THRAP3: variants seen among roughly 807,000 people sequenced by gnomAD.
The protein encoded by THRAP3 is thyroid hormone receptor-associated protein 3.
THRAP3 carries 16 observed loss-of-function variants against 101.0 expected under a neutral mutation model. The ratio of observed to expected loss-of-function variants is 0.16; its 90% CI spans 0.11 to 0.24. THRAP3 has a LOEUF of 0.24. Ranked by LOEUF, THRAP3 falls within the 10% of genes least tolerant of loss-of-function variation. The pLI is 1.00. For missense variants in THRAP3, 989 were observed against 1,202.7 expected (o/e 0.82, Z 2.63); for synonymous variants, 407 against 422.6 (o/e 0.96, Z 0.45).
Position 36,294,304 on chromosome 1 carries a change from G to T in THRAP3, c.2115+369G>T, listed in dbSNP as rs977039474. On this transcript the variant is annotated intron_variant, in intron 8 of 11. Transcript: ENST00000354618. The stretch of plus-strand genomic sequence containing the variant: ...TCCAACCATGATTTCAGAAAGACAT[G>T]CATGTCAGAGAAGAGTGAAATATTC... 13 of 863,200 alleles carry T rather than the reference G, an allele frequency of 1.5e-5. No individual in the cohort carries two copies. In the Admixed American group the frequency reaches 7.1e-4, roughly 47 times the overall value. The allele number at this position is 863,200 out of a possible 1,614,324, so 53.5% of individuals were successfully genotyped here. A position where few individuals can be genotyped will look rare whatever the true frequency, so the allele number is the denominator to read the frequency against.
chr1:36,287,474 C>T, intron 4 of THRAP3: 2 of 985,394 alleles, frequency 2.0e-6, no homozygotes, highest in Non-Finnish European at 2.4e-6. Context: ...ATTTGTATTG[C>T]AGCATAAACT....
intron 2 of THRAP3, among the ~76,000 whole-genome samples, chr1:36,265,083 G>A (rs1364875819): frequency 2.6e-5 from 4 of 152,122 alleles, no homozygotes; most frequent in African/African-American, 9.7e-5. Context: ...TGAGGTACTA[G>A]GGGTTAGGAC....
At chr1:36,288,967 T>C (rs1645830177) in intron 4 of THRAP3, 93 bp from the exon 5 acceptor site, 2 of 1,392,514 alleles carry the variant, frequency 1.4e-6, no homozygotes, top group Non-Finnish European at 9.3e-7. Flanking sequence ...CATGTTTTTT[T>C]CAGAGAATCA....
At chr1:36,264,258 CT>C (rs1645484846) in intron 2 of THRAP3, among the ~76,000 whole-genome samples, 2 of 152,212 alleles carry the variant, frequency 1.3e-5, no homozygotes, top group Non-Finnish European at 1.5e-5. Flanking sequence ...AAATCTCTCC[CT>C]CCAACCACTC....
In THRAP3 at chr1:36,291,449, T is replaced by C; in HGVS notation, c.1821T>C (p.Phe607=). ...ATAGCAACAAAAAGGAACAGGAGTT[T>C]CGTTCCATTTTCCAGCACATACAAT... ...LVHSNKKEQE[F]RSIFQHIQSA... is the part of the protein sequence containing the mutation. Residue 607 remains phenylalanine, a synonymous_variant, in exon 6 of 12, where the codon TTT becomes TTC. Transcript: ENST00000354618. 5.0e-6 allele frequency: 8 copies of C among 1,614,228 alleles called. No homozygotes were observed. The highest frequency in any genetic ancestry group is 6.8e-6 in the Non-Finnish European group (8 of 1,180,042).
Position 36,287,048 on chromosome 1 carries a change from C to G in THRAP3, c.818C>G (p.Pro273Arg). ...RSPRPSPVPK[P>R]SPPLSSTSQM... is the part of the protein sequence containing the mutation. Reference sequence around the variant, plus strand: ...CCCCGTCCTAGCCCCGTGCCAAAACCTAGTCCTCCACTTTCCAGCACATCC... The same window carrying G: ...CCCCGTCCTAGCCCCGTGCCAAAACGTAGTCCTCCACTTTCCAGCACATCC... The change falls in exon 4 of 12, where the codon CCT becomes CGT. Residue 273 changes from proline (P) to arginine (R), a missense_variant. Transcript: ENST00000354618. 1.2e-6 allele frequency: 2 copies of G among 1,613,690 alleles called. No individual in the cohort carries two copies. Among genetic ancestry groups the G allele is most frequent in the Non-Finnish European group, 8.5e-7 (1 of 1,179,694 alleles).
chr1:36,278,254 C>T (rs1263900989), intron 2 of THRAP3, among the ~76,000 whole-genome samples: 2 of 151,648 alleles, frequency 1.3e-5, no homozygotes, highest in East Asian at 3.9e-4. Flanking sequence ...TTAGTAGAGA[C>T]GGGGTTTTGC....
At chr1:36,256,405 T>C (rs1165256584) in intron 1 of THRAP3, among the ~76,000 whole-genome samples, 1 of 151,774 alleles carries the variant, frequency 6.6e-6, no homozygotes, top group African/African-American at 2.4e-5. Flanking sequence ...TTTTGTATTT[T>C]TAGTAGAGAC....
chr1:36,208,396 T>C, the THRAP3 span, among the ~76,000 whole-genome samples: 1 of 152,096 alleles, frequency 6.6e-6, no homozygotes, highest in South Asian at 2.1e-4. Flanking sequence ...TGAAGTCAGA[T>C]CTGGCATCAA....
rs556429465 is a variant in THRAP3, at chr1:36,286,964, G to A, written c.734G>A (p.Arg245Gln). The A allele has an allele frequency of 2.4e-5, 38 of 1,614,220 alleles. No individual in the cohort carries two copies. The Middle Eastern group carries it at 4.9e-4, about 21-fold the overall frequency. Reference protein sequence around the residue: ...RASAVSELSPRERSPALKSPL... With the variant: ...RASAVSELSPQERSPALKSPL... Reference sequence around the variant, plus strand: ...TCAGCAGTTTCTGAGCTGAGTCCTCGGGAGCGAAGCCCAGCTCTCAAAAGC... The same window carrying A: ...TCAGCAGTTTCTGAGCTGAGTCCTCAGGAGCGAAGCCCAGCTCTCAAAAGC... The change falls in exon 4 of 12, where the codon CGG (arginine) becomes CAG (glutamine). Residue 245 changes from arginine (R) to glutamine (Q), a missense_variant. Physicochemically the swap from Arg to Gln is conservative, Grantham distance 43. Coordinates refer to ENST00000354618, the MANE Select transcript of THRAP3 (RefSeq NM_005119.4). This position sits in a 1 kb window ranked among gnomAD's most constrained non-coding sequence, Gnocchi z 5.5.
At chr1:36,250,226 T>G (rs1257347219) in intron 1 of THRAP3, among the ~76,000 whole-genome samples, 2 of 152,004 alleles carry the variant, frequency 1.3e-5, no homozygotes, top group Non-Finnish European at 2.9e-5. Flanking sequence ...TTTTTTTTTT[T>G]TTTTTGAGAC....
intron 1 of THRAP3, among the ~76,000 whole-genome samples, chr1:36,255,361 G>A (rs530018250): frequency 6.6e-6 from 1 of 152,066 alleles, no homozygotes; most frequent in Non-Finnish European, 1.5e-5. Flanking sequence ...GGGTACTGTG[G>A]CTCGCACTGT....
chr1:36,291,571 C>G, intron 6 of THRAP3, 25 bp downstream of exon 6: 1 of 1,608,394 alleles, frequency 6.2e-7, no homozygotes, highest in Non-Finnish European at 8.5e-7. Context: ...TGGCCTGCTT[C>G]AGGCTCGTGT....
chr1:36,291,051 GT>G (rs1324441195), intron 5 of THRAP3, among the ~76,000 whole-genome samples: 2 of 152,152 alleles, frequency 1.3e-5, no homozygotes, highest in South Asian at 2.1e-4. Context: ...GCCTCCCAAA[GT>G]GTTGAGATTA....
the THRAP3 span, among the ~76,000 whole-genome samples, chr1:36,218,064 A>C: frequency 4.6e-5 from 7 of 152,236 alleles, no homozygotes; most frequent in East Asian, 1.3e-3. Flanking sequence ...CGCAGAGAAA[A>C]AGTTCTTGAA....
At chr1:36,239,629 A>T (rs1645131984) in intron 1 of THRAP3, among the ~76,000 whole-genome samples, 1 of 152,164 alleles carries the variant, frequency 6.6e-6, no homozygotes, top group Non-Finnish European at 1.5e-5. Context: ...TGGGTAGGTT[A>T]ATCACTCTGT....
intron 7 of THRAP3, 127 bp downstream of exon 7, chr1:36,292,836 C>T (rs1026261919): frequency 3.1e-6 from 2 of 654,190 alleles, no homozygotes; most frequent in Non-Finnish European, 5.3e-6. Context: ...CCTTCAGACT[C>T]TAAGAGAGCT....
At chr1:36,256,312 G>T (rs1645374760) in intron 1 of THRAP3, among the ~76,000 whole-genome samples, 3 of 151,710 alleles carry the variant, frequency 2.0e-5, no homozygotes, top group Admixed American at 6.6e-5. Context: ...TGCAACCTCT[G>T]CCTCCTGGGT....
intron 2 of THRAP3, among the ~76,000 whole-genome samples, chr1:36,273,700 A>G (rs1023848410): frequency 6.6e-6 from 1 of 152,204 alleles, no homozygotes; most frequent in Admixed American, 6.5e-5. Flanking sequence ...CTAAAAACCA[A>G]TTAGAGCTAA....
Sources: allele counts gnomAD v4.1 joint callset (sites outside exome capture counted in the v4.1 genomes callset), GRCh38; gene constraint gnomAD v4.1.1; non-coding constraint Gnocchi (gnomAD v3.1); transcripts MANE v1.5; gene names NCBI Gene and HGNC (gene_info 2026-07-23, HGNC 2026-07-21).